ARFIP1: variants seen among roughly 807,000 people sequenced by gnomAD.
The protein encoded by ARFIP1 is arfaptin-1.
Under a neutral mutation model 42.5 loss-of-function variants are expected in ARFIP1, and 24 were observed. That is an observed-to-expected ratio of 0.57 (90% CI 0.41 to 0.80). The LOEUF is 0.80. ARFIP1 is among the 30% of genes least tolerant of loss of function. The pLI is 0.00. For synonymous variants in ARFIP1, 141 were observed against 153.7 expected, an observed-to-expected ratio of 0.92 and a Z score of 0.61; for missense variants, 354 against 434.0, an observed-to-expected ratio of 0.82 and a Z score of 1.64.
At chr4:152,784,445 A>T (rs11099854) in intron 1 of ARFIP1, among the ~76,000 whole-genome samples, 57,742 of 152,028 alleles carry the variant, frequency 0.38, 12,035 homozygotes, top group Admixed American at 0.49. Flanking sequence ...CCTTTGTCTT[A>T]GGATGGGCAT....
intron 1 of ARFIP1, among the ~76,000 whole-genome samples, chr4:152,804,115 CAT>C (rs1260257003): frequency 3.8e-3 from 168 of 44,704 alleles, no homozygotes; most frequent in South Asian, 8.8e-3. Context: ...TATAATATAA[CAT>C]GTATTATATA....
chr4:152,833,510 G>A (rs1731409437), intron 2 of ARFIP1, among the ~76,000 whole-genome samples: 1 of 152,128 alleles, frequency 6.6e-6, no homozygotes, highest in African/African-American at 2.4e-5. Flanking sequence ...TTCCATTTCT[G>A]GGTATATATT....
Position 152,910,193 on chromosome 4 carries a change from G to A in ARFIP1, c.1096G>A (p.Ala366Thr). The change falls in exon 9 of 9, where the codon GCC (alanine) becomes ACC (threonine). Residue 366 changes from alanine to threonine, a missense_variant. Ala to Thr is a moderately conservative substitution (Grantham distance 58, BLOSUM62 0). Transcript: ENST00000353617. ...CAAATTGAAAACCCCTGGAGTGGAT[G>A]CCCCATCTTGGCTTGAAGAACAGTA... ...HIKLKTPGVD[A>T]PSWLEEQ 1.2e-6 allele frequency: 2 copies of A among 1,613,596 alleles called. No individual in the cohort carries two copies. Among genetic ancestry groups the A allele is most frequent in the South Asian group, 2.2e-5 (2 of 90,888 alleles).
At chr4:152,888,391 C>A in intron 8 of ARFIP1, 84 bp downstream of exon 8, 1 of 979,090 alleles carries the variant, frequency 1.0e-6, no homozygotes, top group Non-Finnish European at 1.5e-6. Flanking sequence ...TTTCTGTTAA[C>A]TCTCTTGTAT....
rs138211070 is a variant in ARFIP1 at position 152,812,230 on chromosome 4, C to T, written c.-9-17395C>T. On this transcript the variant is annotated intron_variant, in intron 1 of 8. Transcript: ENST00000353617. The stretch of plus-strand genomic sequence containing the variant: ...GTTGTTTTGAGATGAGTTCTTGCTG[C>T]GTCAGCCAGGCGGGAGTGCAGTGGC... Among the ~76,000 whole-genome samples the T allele has an allele frequency of 5.8e-3, 885 of 152,254 alleles. 12 individuals are homozygous for T. Among genetic ancestry groups the T allele is most frequent in the African/African-American group, 0.019 (791 of 41,548 alleles).
chr4:152,866,824 G>A (rs1374400667), intron 3 of ARFIP1, among the ~76,000 whole-genome samples: 4 of 151,880 alleles, frequency 2.6e-5, no homozygotes, highest in East Asian at 1.9e-4. Flanking sequence ...AGATGGGGTC[G>A]CGGCCAGGCA....
intron 1 of ARFIP1, among the ~76,000 whole-genome samples, chr4:152,798,015 T>C (rs1308735265): frequency 1.3e-5 from 2 of 152,158 alleles, no homozygotes; most frequent in Non-Finnish European, 2.9e-5. Context: ...CCTAGCACTT[T>C]GGGAGGCTGA....
At chr4:152,901,026 GATTACTTTCAGTGGCAAAACCTGCA>G (rs1205389599) in intron 8 of ARFIP1, among the ~76,000 whole-genome samples, 1 of 152,014 alleles carries the variant, frequency 6.6e-6, no homozygotes, top group African/African-American at 2.4e-5. Flanking sequence ...CAAAACCTGC[GATTACTTTCAGTGGCAAAACCTGCA>G]ATTACTTTTG....
chr4:152,829,785 G>A, intron 2 of ARFIP1, 59 bp downstream of exon 2: 1 of 1,327,638 alleles, frequency 7.5e-7, no homozygotes, highest in Non-Finnish European at 1.0e-6. Context: ...TAAATGTTGA[G>A]ATGAAAGTAA....
chr4:152,888,197 ACT>A lies in ARFIP1; in HGVS notation c.859_860del (p.Leu287AlafsTer4), dbSNP rs1385657835. 4 of 1,612,104 alleles carry A rather than the reference ACT, an allele frequency of 2.5e-6. No individual in the cohort carries two copies. The highest frequency in any genetic ancestry group is 3.4e-6 in the Non-Finnish European group (4 of 1,179,060). On this transcript the variant is annotated frameshift_variant, in exon 8 of 9. Transcript: ENST00000353617. LOFTEE classifies it high-confidence loss of function. Reference protein sequence around the residue: ...ELNLGPRDANTLPKIEQSQHL... With the variant: ...ELNLGPRDANXLPKIEQSQHL... The stretch of plus-strand genomic sequence containing the variant: ...GAATCTTGGACCACGTGACGCAAAC[ACT>A]CTGCCAAAGATTGAGCAGTCACAGC...
At chr4:152,805,756 G>C (rs1181419211) in intron 1 of ARFIP1, among the ~76,000 whole-genome samples, 1 of 152,212 alleles carries the variant, frequency 6.6e-6, no homozygotes, top group Non-Finnish European at 1.5e-5. Flanking sequence ...CCACAACAAT[G>C]CTATGAGGTA....
chr4:152,805,677 A>G (rs1347922228), intron 1 of ARFIP1, among the ~76,000 whole-genome samples: 2 of 152,248 alleles, frequency 1.3e-5, no homozygotes, highest in Admixed American at 1.3e-4. Context: ...AAAGAATAGT[A>G]TTAATGTAAC....
At chr4:152,824,184 A>AT (rs1730628186) in intron 1 of ARFIP1, among the ~76,000 whole-genome samples, 1 of 150,490 alleles carries the variant, frequency 6.6e-6, no homozygotes, top group Admixed American at 6.6e-5. Flanking sequence ...GTGTTGGTGC[A>AT]GGCCTGTAAT....
intron 2 of ARFIP1, among the ~76,000 whole-genome samples, chr4:152,857,721 G>A (rs1443212950): frequency 1.3e-5 from 2 of 152,126 alleles, no homozygotes; most frequent in Non-Finnish European, 2.9e-5. Context: ...CCCAAATACT[G>A]CATCTGAAGT....
chr4:152,843,106 GGT>G (rs1472246659), intron 2 of ARFIP1, among the ~76,000 whole-genome samples: 2 of 152,056 alleles, frequency 1.3e-5, no homozygotes, highest in South Asian at 2.1e-4. Context: ...TGTCCTATGG[GGT>G]GTTCGCTTGA....
chr4:152,827,740 A>C (rs1318970957), intron 1 of ARFIP1, among the ~76,000 whole-genome samples: 1 of 152,036 alleles, frequency 6.6e-6, no homozygotes, highest in African/African-American at 2.4e-5. Context: ...CAGTGTTGTG[A>C]TGTTGGCTCA....
intron 1 of ARFIP1, among the ~76,000 whole-genome samples, chr4:152,781,476 A>T (rs1287268734): frequency 6.6e-6 from 1 of 151,654 alleles, no homozygotes; most frequent in African/African-American, 2.4e-5. Context: ...ACCTCAAATG[A>T]TCCTCCCTCC....
rs1731500017 is a variant in ARFIP1 at position 152,796,848 on chromosome 4, G to A, written c.-10+16622G>A. On this transcript the variant is annotated intron_variant, in intron 1 of 8. Coordinates refer to ENST00000353617, the MANE Select transcript of ARFIP1 (RefSeq NM_001025595.3). ...ATTCTGTGGCACAGTGACGGCTGCA[G>A]AGCACCCAGAAGCAGCCCTTGGGGT... 3 of 540,784 alleles carry A rather than the reference G, an allele frequency of 5.5e-6. No individual in the cohort carries two copies. In the African/African-American group the frequency reaches 6.0e-5, roughly 11 times the overall value. 33.5% of individuals were successfully genotyped at this position (540,784 alleles called of 1,614,324 possible).
intron 8 of ARFIP1, among the ~76,000 whole-genome samples, chr4:152,900,232 G>T (rs1026890097): frequency 6.6e-6 from 1 of 152,094 alleles, no homozygotes; most frequent in East Asian, 1.9e-4. Context: ...AAAGGCGAAA[G>T]ACTTTTTTTG....
Sources: gnomAD v4.1 joint callset for allele counts (sites outside exome capture counted in the v4.1 genomes callset) on GRCh38, gnomAD v4.1.1 for gene constraint, MANE v1.5 for transcripts, NCBI Gene and HGNC (gene_info 2026-07-23, HGNC 2026-07-21) for gene names.